The following VMA12 variants were observed in gnomAD, a reference collection of about 807,000 sequenced individuals.
VMA12 encodes vacuolar ATPase assembly protein VMA12.
At chr17:28,363,194 A>T in the VMA12 span, 1 of 152,194 alleles carries the variant, frequency 6.6e-6, no homozygotes, top group Non-Finnish European at 1.5e-5. Context: ...TCCAGTGCAG[A>T]CCGCAAACAC....
At chr17:28,358,074 C>T in the VMA12 span, 1 of 631,368 alleles carries the variant, frequency 1.6e-6, no homozygotes, top group South Asian at 2.0e-5. Context: ...TTTGCTTGTG[C>T]AGTTTCTGCT....
the VMA12 span, among the ~76,000 whole-genome samples, chr17:28,359,948 A>G: frequency 1.3e-5 from 2 of 152,060 alleles, no homozygotes; most frequent in Non-Finnish European, 2.9e-5. Context: ...AGTGGGAATG[A>G]ATCTTGGAGG....
the VMA12 span, chr17:28,361,153 C>T: frequency 4.3e-6 from 7 of 1,613,926 alleles, no homozygotes; most frequent in Admixed American, 1.7e-5. Flanking sequence ...CTCCCCATCT[C>T]CAGCGGGTGC....
chr17:28,359,330 G>A, the VMA12 span: 4 of 1,614,022 alleles, frequency 2.5e-6, no homozygotes, highest in Non-Finnish European at 3.4e-6. Flanking sequence ...AGAACTAGTT[G>A]CCCGGCTGGA....
At chr17:28,359,336 C>A in the VMA12 span, 1 of 1,614,024 alleles carries the variant, frequency 6.2e-7, no homozygotes, top group Non-Finnish European at 8.5e-7. Context: ...AGTTGCCCGG[C>A]TGGAGAAGAT....
the VMA12 span, chr17:28,357,690 C>A: frequency 6.2e-7 from 1 of 1,612,628 alleles, no homozygotes; most frequent in South Asian, 1.1e-5. Flanking sequence ...TCTTTGCTTG[C>A]GGGCGAGCGA....
chr17:28,357,712 T>C, the VMA12 span: 12 of 1,613,154 alleles, frequency 7.4e-6, no homozygotes, highest in Non-Finnish European at 1.0e-5. Context: ...TGGTGCGTGC[T>C]TTGGGCCCCG....
At chr17:28,360,840 T>C in the VMA12 span, 1 of 1,613,654 alleles carries the variant, frequency 6.2e-7, no homozygotes, top group Non-Finnish European at 8.5e-7. Flanking sequence ...TTCACAGAAA[T>C]GGCCTCGGTG....
the VMA12 span, chr17:28,363,162 C>G: frequency 6.6e-6 from 1 of 152,248 alleles, no homozygotes; most frequent in Non-Finnish European, 1.5e-5. Context: ...GCCACAGTTA[C>G]ATCGCAAAGT....
the VMA12 span, chr17:28,360,973 G>A: frequency 2.1e-6 from 2 of 932,698 alleles, no homozygotes; most frequent in South Asian, 1.5e-5. Flanking sequence ...AATAAGGGGA[G>A]CATTAGAGCT....
chr17:28,359,410 G>C, the VMA12 span: 1 of 1,613,820 alleles, frequency 6.2e-7, no homozygotes. Context: ...GTCAGGTAAG[G>C]ACATGCTCTT....
chr17:28,358,176 G>T, the VMA12 span: 1 of 463,514 alleles, frequency 2.2e-6, no homozygotes, highest in Admixed American at 3.4e-5. Flanking sequence ...AATATCACAG[G>T]TTTTGTCTCT....
At chr17:28,363,021 G>A in the VMA12 span, 1 of 152,214 alleles carries the variant, frequency 6.6e-6, no homozygotes, top group Non-Finnish European at 1.5e-5. Flanking sequence ...TCTGGAGAGG[G>A]AACTAGCGTT....
the VMA12 span, chr17:28,361,059 G>A: frequency 8.4e-6 from 10 of 1,195,012 alleles, no homozygotes; most frequent in Non-Finnish European, 1.2e-5. Context: ...CCCCAACTTA[G>A]AGGGTGGTTG....
the VMA12 span, chr17:28,361,086 CATT>C: frequency 1.3e-3 from 1,915 of 1,470,636 alleles, 29 homozygotes; most frequent in African/African-American, 0.024. Context: ...TCTCCATCCT[CATT>C]AAAGTTGCTG....
the VMA12 span, chr17:28,360,603 CT>C: frequency 6.2e-7 from 1 of 1,613,788 alleles, no homozygotes; most frequent in Non-Finnish European, 8.5e-7. Flanking sequence ...CTTCTAAAAC[CT>C]TTTCCTGAGA....
At chr17:28,357,828 G>T in the VMA12 span, 1 of 1,614,104 alleles carries the variant, frequency 6.2e-7, no homozygotes, top group Non-Finnish European at 8.5e-7. Context: ...GGCCCCCAAC[G>T]CTTGGTTTCT....
chr17:28,357,688 T>G, the VMA12 span: 1 of 1,612,506 alleles, frequency 6.2e-7, no homozygotes, highest in Non-Finnish European at 8.5e-7. Context: ...CCTCTTTGCT[T>G]GCGGGCGAGC....
At chr17:28,359,328 T>A in the VMA12 span, 1 of 1,614,082 alleles carries the variant, frequency 6.2e-7, no homozygotes, top group South Asian at 1.1e-5. Flanking sequence ...CCAGAACTAG[T>A]TGCCCGGCTG....
Sources: allele counts gnomAD v4.1 joint callset (sites outside exome capture counted in the v4.1 genomes callset), GRCh38; gene constraint gnomAD v4.1.1; transcripts MANE v1.5; gene names NCBI Gene and HGNC (gene_info 2026-07-23, HGNC 2026-07-21).